Variants in CAGE1 observed in about 807,000 individuals in gnomAD.
CAGE1 encodes cancer antigen 1.
A neutral mutation model predicts 94.9 loss-of-function variants in CAGE1; 66 were observed. The observed-to-expected ratio is 0.70, with a 90% CI of 0.57 to 0.85. The LOEUF (loss-of-function observed/expected upper bound fraction) is 0.85, where lower values mean the gene tolerates loss of function less well. CAGE1 is among the 40% of genes least tolerant of loss of function. The pLI, the probability that CAGE1 is intolerant of heterozygous loss-of-function variation, is 0.00. For synonymous variants in CAGE1, 319 were observed against 321.0 expected, an observed-to-expected ratio of 0.99 and a Z score of 0.07; for missense variants, 865 against 950.4, an observed-to-expected ratio of 0.91 and a Z score of 1.18.
intron 11 of CAGE1, among the ~76,000 whole-genome samples, chr6:7,352,062 G>A (rs1345727007): frequency 6.6e-6 from 1 of 151,952 alleles, no homozygotes; most frequent in African/African-American, 2.4e-5. Flanking sequence ...TAAATAAGGG[G>A]CACCCAAATT....
chr6:7,370,194 G>C, intron 5 of CAGE1, 129 bp from the exon 6 acceptor site: 1 of 525,308 alleles, frequency 1.9e-6, no homozygotes, highest in Non-Finnish European at 3.2e-6. Flanking sequence ...TTCATCTTAG[G>C]ATCCCTTTAG....
chr6:7,376,047 G>GTTGTTATCACAGGAGTGTGT (rs1760731760), intron 4 of CAGE1, among the ~76,000 whole-genome samples: 1 of 152,138 alleles, frequency 6.6e-6, no homozygotes, highest in Non-Finnish European at 1.5e-5. Context: ...ATGACTAAAT[G>GTTGTTATCACAGGAGTGTGT]TTGTTATCAC....
intron 2 of CAGE1, among the ~76,000 whole-genome samples, chr6:7,386,272 G>A (rs1761117908): frequency 6.6e-6 from 1 of 152,158 alleles, no homozygotes; most frequent in South Asian, 2.1e-4. Flanking sequence ...TATCTTTGAT[G>A]TATTTTTATA....
Position 7,342,164 on chromosome 6 carries a change from G to A in CAGE1, c.2370-8074C>T, listed in dbSNP as rs1273587356. The A allele has an allele frequency of 4.9e-6, 5 of 1,020,104 alleles. No homozygotes were observed. The East Asian group carries it at 1.2e-4, about 24-fold the overall frequency. The allele number at this position is 1,020,104 out of a possible 1,614,324, so 63.2% of individuals were successfully genotyped here. A position where few individuals can be genotyped will look rare whatever the true frequency, so the allele number is the denominator to read the frequency against. ...CTCAGTTGGGGAACTGGATCAGGCT[G>A]CCTGGACAGTTGGGCCCCCTGCCCA... On this transcript the variant is annotated intron_variant, in intron 11 of 13. Coordinates refer to ENST00000502583, the MANE Select transcript of CAGE1 (RefSeq NM_001170692.2).
intron 9 of CAGE1, among the ~76,000 whole-genome samples, chr6:7,358,357 T>C (rs1760052402): frequency 1.3e-5 from 2 of 152,092 alleles, no homozygotes; most frequent in Non-Finnish European, 2.9e-5. Context: ...GTTGCATGTG[T>C]TTCAGTAGTT....
intron 11 of CAGE1, chr6:7,347,508 G>GGC (rs1199774958): frequency 8.2e-5 from 11 of 133,550 alleles, no homozygotes; most frequent in Non-Finnish European, 1.5e-4. Context: ...GAGGGTGGGG[G>GGC]GGGGGGTTGG....
At chr6:7,351,944 T>C (rs1266994815) in intron 11 of CAGE1, among the ~76,000 whole-genome samples, 4 of 152,044 alleles carry the variant, frequency 2.6e-5, no homozygotes, top group African/African-American at 9.7e-5. Flanking sequence ...TGGGGAAAAG[T>C]TGAAAGCATT....
intron 2 of CAGE1, among the ~76,000 whole-genome samples, chr6:7,386,735 C>T (rs768076326): frequency 1.8e-4 from 27 of 152,110 alleles, no homozygotes; most frequent in Non-Finnish European, 3.4e-4. Flanking sequence ...TACAGGTGCT[C>T]GCTTCCATGC....
At chr6:7,343,158 C>T (rs868213806) in intron 11 of CAGE1, among the ~76,000 whole-genome samples, 11 of 142,370 alleles carry the variant, frequency 7.7e-5, no homozygotes, top group South Asian at 4.4e-4. Context: ...CACTGCACTC[C>T]AGCCCAGGCG....
chr6:7,334,158 C>G (rs1758868880), intron 11 of CAGE1, 68 bp from the exon 12 acceptor site: 1 of 937,858 alleles, frequency 1.1e-6, no homozygotes, highest in African/African-American at 1.7e-5. Flanking sequence ...TTGTTAGATT[C>G]ACTGGAGGAT....
rs201239131 is a variant in CAGE1 at position 7,327,869 on chromosome 6, G to A, written c.2479-970C>T. On this transcript the variant is annotated intron_variant, in intron 13 of 13. Coordinates refer to ENST00000502583, the MANE Select transcript of CAGE1 (RefSeq NM_001170692.2). ...CACTTGAACCCCGGAAGTGGAGGTT[G>A]CAGTGAGCCGAGATTGCGCCATTGC... Among the ~76,000 whole-genome samples the A allele has an allele frequency of 3.8e-4, 58 of 152,266 alleles. 2 individuals carry two copies. In the East Asian group the frequency reaches 0.011, roughly 28 times the overall value.
chr6:7,339,321 C>T lies in CAGE1; in HGVS notation c.2370-5231G>A, dbSNP rs923627897. 5 of 1,591,352 alleles carry T rather than the reference C, an allele frequency of 3.1e-6. No homozygotes were observed. The African/African-American group carries it at 6.7e-5, about 21-fold the overall frequency. On this transcript the variant is annotated intron_variant, in intron 11 of 13. Coordinates refer to ENST00000502583, the MANE Select transcript of CAGE1 (RefSeq NM_001170692.2). This position sits in a 1 kb window ranked among gnomAD's most constrained non-coding sequence, Gnocchi z 4.7. ...CACCTCTTCAGCATAAAGCTCTACA[C>T]TGCCCTCTGGAGAGCCAAACCTCTT...
At chr6:7,370,164 G>A in intron 5 of CAGE1, 99 bp from the exon 6 acceptor site, 1 of 798,944 alleles carries the variant, frequency 1.3e-6, no homozygotes. Flanking sequence ...AAAAACCTTG[G>A]GCGACAGTTC....
At chr6:7,331,718 C>CAGGAG (rs1390534078) in intron 12 of CAGE1, 1 of 172,078 alleles carries the variant, frequency 5.8e-6, no homozygotes, top group African/African-American at 2.4e-5. Flanking sequence ...ACTTGGGTGA[C>CAGGAG]AGGAGACTTG....
At position 7,368,572 on chromosome 6, in the gene CAGE1, G is replaced by A. The variant is rs1760431284; in HGVS notation, c.2004+116C>T. The A allele has an allele frequency of 9.2e-6, 5 of 543,852 alleles. No homozygotes were observed. The East Asian group carries it at 1.6e-4, about 17-fold the overall frequency. The allele number at this position is 543,852 out of a possible 1,614,324, so 33.7% of individuals were successfully genotyped here. On this transcript the variant is annotated intron_variant, in intron 7 of 13. Transcript: ENST00000502583. Reference sequence around the variant, plus strand: ...TGAGGGGCACAGTAAAACTAATCTGGTCCCCCAAAATAATTTTTAAAATGA... The same window carrying A: ...TGAGGGGCACAGTAAAACTAATCTGATCCCCCAAAATAATTTTTAAAATGA...
At chr6:7,346,587 C>T (rs1384467314) in intron 11 of CAGE1, among the ~76,000 whole-genome samples, 3 of 151,506 alleles carry the variant, frequency 2.0e-5, no homozygotes, top group African/African-American at 4.9e-5. Context: ...TGGTTCACAC[C>T]TGTAATCCCA....
chr6:7,358,027 G>GATAGAT lies in CAGE1; in HGVS notation c.2194-1899_2194-1898insATCTAT, dbSNP rs1554138205. Among the ~76,000 whole-genome samples the GATAGAT allele has an allele frequency of 5.0e-4, 24 of 48,074 alleles. 1 individual carries two copies. Among genetic ancestry groups the GATAGAT allele is most frequent in the Non-Finnish European group, 6.1e-4 (14 of 23,134 alleles). 31.5% of individuals were successfully genotyped at this position (48,074 alleles called of 152,430 possible). A position where few individuals can be genotyped will look rare whatever the true frequency, so the allele number is the denominator to read the frequency against. ...CAGACTGCGGTTAGGTAAGTTTTGA[G>GATAGAT]ATATATATATATATATATATATATA... On this transcript the variant is annotated intron_variant, in intron 9 of 13. Coordinates refer to ENST00000502583, the MANE Select transcript of CAGE1 (RefSeq NM_001170692.2).
Position 7,387,063 on chromosome 6 carries a change from A to G in CAGE1, c.111T>C (p.Asn37=). ...VESMSESDTM[N]VSNLSQGVML... ...TTACACCTTGAGAAAGATTGCTGAC[A>G]TTCATGGTATCCGATTCTGACATGC... is the stretch of plus-strand genomic sequence containing the variant. Residue 37 remains asparagine, a synonymous_variant, in exon 2 of 14, where the codon AAT becomes AAC. Coordinates refer to ENST00000502583, the MANE Select transcript of CAGE1 (RefSeq NM_001170692.2). 2 of 1,551,844 alleles carry G rather than the reference A, an allele frequency of 1.3e-6. No individual in the cohort carries two copies. The highest frequency in any genetic ancestry group is 1.7e-6 in the Non-Finnish European group (2 of 1,146,946).
chr6:7,377,704 T>A (rs1187645956), intron 4 of CAGE1, among the ~76,000 whole-genome samples: 1 of 152,034 alleles, frequency 6.6e-6, no homozygotes, highest in African/African-American at 2.4e-5. Flanking sequence ...GCCACTGCAC[T>A]CCAGCCTGGG....
Sources: gnomAD v4.1 joint callset for allele counts (sites outside exome capture counted in the v4.1 genomes callset) on GRCh38, gnomAD v4.1.1 for gene constraint, Gnocchi (gnomAD v3.1) non-coding constraint, MANE v1.5 for transcripts, NCBI Gene and HGNC (gene_info 2026-07-23, HGNC 2026-07-21) for gene names.